GNPNAT1: variants seen among roughly 807,000 people sequenced by gnomAD.
GNPNAT1 encodes glucosamine-phosphate N-acetyltransferase 1, also known as glucosamine 6-phosphate N-acetyltransferase.
In GNPNAT1, 11 loss-of-function variants were observed where a neutral mutation model predicts 19.8. The observed-to-expected ratio is 0.56, with a 90% CI of 0.35 to 0.92. GNPNAT1 has a LOEUF of 0.92. Among genes scored for constraint, GNPNAT1 ranks in the 40% least tolerant of loss-of-function variants. GNPNAT1 has a pLI of 0.01. For missense variants in GNPNAT1, 157 were observed against 211.0 expected (o/e 0.74, Z 1.59); for synonymous variants, 71 against 72.3 (o/e 0.98, Z 0.09).
intron 1 of GNPNAT1, among the ~76,000 whole-genome samples, chr14:52,789,285 G>A (rs888398732): frequency 6.6e-6 from 1 of 152,192 alleles, no homozygotes; most frequent in Non-Finnish European, 1.5e-5. Flanking sequence ...CTGCTAGGTA[G>A]TATGACTTCA....
intron 4 of GNPNAT1, 40 bp from the exon 5 acceptor site, chr14:52,780,780 T>C (rs1290063205): frequency 1.5e-6 from 2 of 1,308,980 alleles, no homozygotes; most frequent in Non-Finnish European, 2.2e-6. Flanking sequence ...AAGCATTTAC[T>C]TTTGTTTTTA....
intron 3 of GNPNAT1, 59 bp from the exon 4 acceptor site, chr14:52,781,970 GA>G: frequency 6.9e-7 from 1 of 1,458,292 alleles, no homozygotes. Context: ...TGGGGAGCCA[GA>G]AAAATATTAG....
rs1385831067 is a variant in GNPNAT1, at chr14:52,791,031, G to C, written c.-15+397C>G. Among the ~76,000 whole-genome samples the C allele has an allele frequency of 1.3e-5, 2 of 152,178 alleles. No homozygotes were observed. The highest frequency in any genetic ancestry group is 2.9e-5 in the Non-Finnish European group (2 of 68,042). On this transcript the variant is annotated intron_variant, in intron 1 of 5. Coordinates refer to ENST00000216410, the MANE Select transcript of GNPNAT1 (RefSeq NM_198066.4). This position sits in a 1 kb window ranked among gnomAD's most constrained non-coding sequence, Gnocchi z 4.1. ...CCGTGGGATGCGCCCGGGAATGGGA[G>C]AAGAGAAGGGGCCTGGGACGTTCGT... is the stretch of plus-strand genomic sequence containing the variant.
At chr14:52,786,785 T>G (rs1883029461) in intron 1 of GNPNAT1, among the ~76,000 whole-genome samples, 2 of 150,608 alleles carry the variant, frequency 1.3e-5, no homozygotes, top group African/African-American at 4.9e-5. Flanking sequence ...AAGAAACAGA[T>G]GCTTCCCAAC....
rs1174969807 is a variant in GNPNAT1, at chr14:52,776,512, TAAGA to T, written c.*1795_*1798del. 3.9e-5 allele frequency: 6 copies of T among 152,120 alleles called. No individual in the cohort carries two copies. Among genetic ancestry groups the T allele is most frequent in the Non-Finnish European group, 8.8e-5 (6 of 68,010 alleles). 9.4% of individuals were successfully genotyped at this position (152,120 alleles called of 1,614,324 possible). A position where few individuals can be genotyped will look rare whatever the true frequency, so the allele number is the denominator to read the frequency against. On this transcript the variant is annotated 3_prime_UTR_variant, in exon 6 of 6. Coordinates refer to ENST00000216410, the MANE Select transcript of GNPNAT1 (RefSeq NM_198066.4). ...GATTTTACCTCAAATTGTTCAGTGG[TAAGA>T]AAGGTAATAAAGCATTTAGTTGTGC...
chr14:52,779,657 G>C (rs1882833778), intron 5 of GNPNAT1, among the ~76,000 whole-genome samples: 1 of 139,928 alleles, frequency 7.1e-6, no homozygotes, highest in South Asian at 2.3e-4. Context: ...GAAATTCAAG[G>C]CTGCAGTGAG....
intron 5 of GNPNAT1, among the ~76,000 whole-genome samples, chr14:52,779,737 A>AAC (rs1555361265): frequency 4.0e-5 from 6 of 150,670 alleles, no homozygotes; most frequent in Admixed American, 2.0e-4. Flanking sequence ...AAAAAAAAAA[A>AAC]AAAAAAAAAA....
At chr14:52,789,094 A>C (rs1180400513) in intron 1 of GNPNAT1, among the ~76,000 whole-genome samples, 1 of 152,240 alleles carries the variant, frequency 6.6e-6, no homozygotes, top group African/African-American at 2.4e-5. Context: ...AGTGCCAATA[A>C]GAACAGAGTG....
At position 52,778,138 on chromosome 14, in the gene GNPNAT1, A is replaced by G. The variant is rs1187866559; in HGVS notation, c.*173T>C. ...TTCATTTGTAATCTAAATTCACAGC[A>G]TGTCCCACCAGCCCAAAGTAATCTT... On this transcript the variant is annotated 3_prime_UTR_variant, in exon 6 of 6. Transcript: ENST00000216410. 1 of 413,982 alleles carries G rather than the reference A, an allele frequency of 2.4e-6. No homozygotes were observed. Among genetic ancestry groups the G allele is most frequent in the Non-Finnish European group, 4.3e-6 (1 of 232,654 alleles). The allele number at this position is 413,982 out of a possible 1,614,324, so 25.6% of individuals were successfully genotyped here. A position where few individuals can be genotyped will look rare whatever the true frequency, so the allele number is the denominator to read the frequency against.
At chr14:52,780,820 T>C in intron 4 of GNPNAT1, 80 bp from the exon 5 acceptor site, 1 of 809,278 alleles carries the variant, frequency 1.2e-6, no homozygotes, top group Non-Finnish European at 2.1e-6. Flanking sequence ...AATTTACTGA[T>C]AATAAGTAGT....
Position 52,778,252 on chromosome 14 carries a change from C to A in GNPNAT1, c.*59G>T. On this transcript the variant is annotated 3_prime_UTR_variant, in exon 6 of 6. Transcript: ENST00000216410. ...CGGCTGCAGCAACAAAATATTTCAA[C>A]TCTAGGAAGAGTGTAGCCTTGTAGC... 1 of 1,329,916 alleles carries A rather than the reference C, an allele frequency of 7.5e-7. No homozygotes were observed. The highest frequency in any genetic ancestry group is 1.6e-5 in the South Asian group (1 of 63,144). 82.4% of individuals were successfully genotyped at this position (1,329,916 alleles called of 1,614,324 possible).
chr14:52,789,993 A>C, intron 1 of GNPNAT1, among the ~76,000 whole-genome samples: 1 of 51,176 alleles, frequency 2.0e-5, no homozygotes, highest in South Asian at 9.9e-4. Context: ...GGACAAAAAA[A>C]AAAAAAAAAA....
At chr14:52,789,117 G>A (rs1195501674) in intron 1 of GNPNAT1, among the ~76,000 whole-genome samples, 1 of 152,152 alleles carries the variant, frequency 6.6e-6, no homozygotes, top group South Asian at 2.1e-4. Flanking sequence ...GATTCAAAAT[G>A]AGGCAACAGG....
At chr14:52,783,222 T>C (rs549389643) in intron 3 of GNPNAT1, among the ~76,000 whole-genome samples, 17 of 152,094 alleles carry the variant, frequency 1.1e-4, no homozygotes, top group East Asian at 1.9e-4. Context: ...AGTAGTCAGA[T>C]AGTTTGCAAA....
In GNPNAT1 at chr14:52,777,411, C is replaced by G. The variant is rs1449371376; in HGVS notation, c.*900G>C. The stretch of plus-strand genomic sequence containing the variant: ...AATCACATCAAAAAGCTTCCATTAA[C>G]ATTTTATGAATTTGGCAATCTAGTA... On this transcript the variant is annotated 3_prime_UTR_variant, in exon 6 of 6. Coordinates refer to ENST00000216410, the MANE Select transcript of GNPNAT1 (RefSeq NM_198066.4). 3 of 152,148 alleles carry G rather than the reference C, an allele frequency of 2.0e-5. No individual in the cohort carries two copies. Among genetic ancestry groups the G allele is most frequent in the Non-Finnish European group, 4.4e-5 (3 of 68,010 alleles). 9.4% of individuals were successfully genotyped at this position (152,148 alleles called of 1,614,324 possible).
At chr14:52,779,701 CAACAGAAAGAGATCCCATCTCTTAAA>C (rs1469610156) in intron 5 of GNPNAT1, among the ~76,000 whole-genome samples, 1 of 67,688 alleles carries the variant, frequency 1.5e-5, no homozygotes, top group African/African-American at 5.7e-5. Context: ...CCAGCCTGGG[CAACAGAAAGAGATCCCATCTCTTAAA>C]AAAAAAAAAA....
At chr14:52,784,967 C>T (rs1326582124) in intron 1 of GNPNAT1, among the ~76,000 whole-genome samples, 2 of 149,826 alleles carry the variant, frequency 1.3e-5, no homozygotes, top group Admixed American at 1.3e-4. Context: ...ACTCTGTTGC[C>T]CAGGCTGGAG....
Position 52,780,703 on chromosome 14 carries a change from C to T in GNPNAT1, c.383G>A (p.Cys128Tyr), listed in dbSNP as rs1235256935. The T allele has an allele frequency of 1.2e-6, 2 of 1,607,216 alleles. No homozygotes were observed. The highest frequency in any genetic ancestry group is 1.7e-6 in the Non-Finnish European group (2 of 1,174,468). The stretch of plus-strand genomic sequence containing the variant: ...CAATTTGCCAAGCTGCTTTCCTCTG[C>T]ATTCATCACTAACAACAACATCTTC... ...RVEDVVVSDE[C>Y]RGKQLGKLLL... The change falls in exon 5 of 6, where the codon TGC (cysteine) becomes TAC (tyrosine). Residue 128 changes from cysteine to tyrosine, a missense_variant. Physicochemically the swap from Cys to Tyr is radical, Grantham distance 194 (BLOSUM62 -2). Transcript: ENST00000216410.
chr14:52,779,252 AAT>A (rs1385123932), intron 5 of GNPNAT1, among the ~76,000 whole-genome samples: 2 of 152,186 alleles, frequency 1.3e-5, no homozygotes, highest in African/African-American at 2.4e-5. Context: ...TGGTCTAATT[AAT>A]ATGAAGTGGA....
Sources: allele counts gnomAD v4.1 joint callset (sites outside exome capture counted in the v4.1 genomes callset), GRCh38; gene constraint gnomAD v4.1.1; non-coding constraint Gnocchi (gnomAD v3.1); transcripts MANE v1.5; gene names NCBI Gene and HGNC (gene_info 2026-07-23, HGNC 2026-07-21).